Variants in DNAJC1 observed in about 807,000 individuals in gnomAD.
The protein encoded by DNAJC1 is dnaJ homolog subfamily C member 1.
A neutral mutation model predicts 76.6 loss-of-function variants in DNAJC1; 58 were observed. The observed-to-expected ratio is 0.76, with a 90% confidence interval of 0.61 to 0.94. DNAJC1 has a LOEUF of 0.94. Ranked by LOEUF, DNAJC1 falls within the 40% of genes least tolerant of loss-of-function variation. The pLI is 0.00. For synonymous variants in DNAJC1, 258 were observed against 267.9 expected (o/e 0.96, Z 0.36); for missense variants, 689 against 677.3 (o/e 1.02, Z -0.19).
intron 9 of DNAJC1, among the ~76,000 whole-genome samples, chr10:21,801,167 C>CA (rs989602821): frequency 6.6e-6 from 1 of 151,914 alleles, no homozygotes; most frequent in African/African-American, 2.4e-5. Flanking sequence ...TAAAATACTA[C>CA]AAAAATGAAT....
chr10:21,872,128 C>T (rs1836114844), intron 8 of DNAJC1, among the ~76,000 whole-genome samples: 1 of 147,556 alleles, frequency 6.8e-6, no homozygotes, highest in Non-Finnish European at 1.5e-5. Flanking sequence ...GGCTGGAGTG[C>T]AGTGGTGTGA....
intron 8 of DNAJC1, among the ~76,000 whole-genome samples, chr10:21,876,351 A>C (rs1158708888): frequency 6.6e-6 from 1 of 152,032 alleles, no homozygotes; most frequent in Non-Finnish European, 1.5e-5. Flanking sequence ...ACCCCAAGAG[A>C]CCTGCCCACC....
intron 6 of DNAJC1, among the ~76,000 whole-genome samples, chr10:21,909,063 T>C (rs1018712230): frequency 2.0e-5 from 3 of 152,102 alleles, no homozygotes; most frequent in Non-Finnish European, 2.9e-5. Context: ...ATTTTTGTAT[T>C]TTTTAGTAGA....
chr10:21,839,878 C>A (rs1590008079), intron 8 of DNAJC1, among the ~76,000 whole-genome samples: 1 of 152,194 alleles, frequency 6.6e-6, no homozygotes, highest in African/African-American at 2.4e-5. Flanking sequence ...CCAAATCCAG[C>A]AGCACATCAA....
chr10:21,848,696 G>A (rs886140317), intron 8 of DNAJC1, among the ~76,000 whole-genome samples: 2 of 152,148 alleles, frequency 1.3e-5, no homozygotes, highest in East Asian at 1.9e-4. Flanking sequence ...CTTCTCCAGT[G>A]CACATGGAAC....
At chr10:21,920,268 A>G (rs1837019735) in intron 4 of DNAJC1, among the ~76,000 whole-genome samples, 1 of 152,102 alleles carries the variant, frequency 6.6e-6, no homozygotes, top group Admixed American at 6.5e-5. Flanking sequence ...TAATTCATGA[A>G]TACTGATAAA....
intron 9 of DNAJC1, among the ~76,000 whole-genome samples, chr10:21,772,271 CTTT>C (rs398045895): frequency 3.5e-4 from 33 of 93,054 alleles, no homozygotes; most frequent in South Asian, 7.1e-4. Context: ...CACCCCTCTT[CTTT>C]TTTTTTTTTT....
intron 8 of DNAJC1, among the ~76,000 whole-genome samples, chr10:21,873,067 C>T (rs978949885): frequency 3.9e-5 from 6 of 152,136 alleles, no homozygotes; most frequent in Non-Finnish European, 7.3e-5. Flanking sequence ...TGTTCTGTTC[C>T]GTTCTAATAA....
At chr10:21,980,195 T>C (rs138491661) in intron 1 of DNAJC1, among the ~76,000 whole-genome samples, 1,953 of 152,164 alleles carry the variant, frequency 0.013, 34 homozygotes, top group African/African-American at 0.043. Context: ...ACAAACTATA[T>C]ACACATATAC....
chr10:21,968,645 A>G (rs1388219707), intron 1 of DNAJC1, among the ~76,000 whole-genome samples: 1 of 151,740 alleles, frequency 6.6e-6, no homozygotes, highest in African/African-American at 2.4e-5. Context: ...CAAGTAGCTG[A>G]GACTACAAGC....
chr10:21,858,883 C>T (rs1003009583), intron 8 of DNAJC1, among the ~76,000 whole-genome samples: 3 of 151,862 alleles, frequency 2.0e-5, no homozygotes, highest in Admixed American at 6.6e-5. Flanking sequence ...AACTTTACTC[C>T]CATTACTCAC....
At chr10:21,967,913 T>G (rs1474915305) in intron 1 of DNAJC1, among the ~76,000 whole-genome samples, 1 of 152,186 alleles carries the variant, frequency 6.6e-6, no homozygotes, top group African/African-American at 2.4e-5. Context: ...ATACCAACGT[T>G]CAAGGAAAGT....
intron 1 of DNAJC1, among the ~76,000 whole-genome samples, chr10:21,983,556 C>A (rs1209853436): frequency 2.0e-5 from 3 of 151,994 alleles, no homozygotes; most frequent in Non-Finnish European, 4.4e-5. Flanking sequence ...CCTGTCTCCA[C>A]TAAAAATACA....
At chr10:21,925,691 C>G (rs1252930304) in intron 3 of DNAJC1, among the ~76,000 whole-genome samples, 2 of 152,190 alleles carry the variant, frequency 1.3e-5, no homozygotes, top group African/African-American at 2.4e-5. Flanking sequence ...CAAAAAACTA[C>G]GTATTGCATG....
intron 6 of DNAJC1, 91 bp downstream of exon 6, chr10:21,918,688 T>C: frequency 1.1e-6 from 1 of 885,358 alleles, no homozygotes; most frequent in Non-Finnish European, 1.8e-6. Flanking sequence ...CCACTGCATA[T>C]CAGCATTCAG....
At chr10:21,783,672 C>T (rs1184962410) in intron 9 of DNAJC1, among the ~76,000 whole-genome samples, 1 of 152,138 alleles carries the variant, frequency 6.6e-6, no homozygotes, top group Non-Finnish European at 1.5e-5. Context: ...CTACAGTAAC[C>T]AAAACAGCAT....
intron 8 of DNAJC1, among the ~76,000 whole-genome samples, chr10:21,852,235 G>A (rs1835768768): frequency 6.6e-6 from 1 of 152,034 alleles, no homozygotes; most frequent in African/African-American, 2.4e-5. Flanking sequence ...GTCACATACT[G>A]TATGAGTTCC....
At chr10:21,942,243 T>C (rs1157435683) in intron 1 of DNAJC1, among the ~76,000 whole-genome samples, 2 of 150,988 alleles carry the variant, frequency 1.3e-5, no homozygotes, top group Admixed American at 6.6e-5. Flanking sequence ...GGACAAAGAG[T>C]GGTAATAAGT....
rs1834309864 is a variant in DNAJC1, at chr10:21,767,088, T to C, written c.1099-779A>G. 2.0e-5 allele frequency among the ~76,000 whole-genome samples: 3 copies of C among 152,314 alleles called. 1 individual carries two copies. The South Asian group carries it at 6.2e-4, about 32-fold the overall frequency. On this transcript the variant is annotated intron_variant, in intron 9 of 11. Coordinates refer to ENST00000376980, the MANE Select transcript of DNAJC1 (RefSeq NM_022365.4). ...CTGGAGAATATTCTACCACTGAGTATTGCAATCAGTGGGGAAAATGACATT... is the reference window on the plus strand; with the variant it reads ...CTGGAGAATATTCTACCACTGAGTACTGCAATCAGTGGGGAAAATGACATT...
Sources: gnomAD v4.1 joint callset for allele counts (sites outside exome capture counted in the v4.1 genomes callset) on GRCh38, gnomAD v4.1.1 for gene constraint, MANE v1.5 for transcripts, NCBI Gene and HGNC (gene_info 2026-07-23, HGNC 2026-07-21) for gene names.